The following GPC6 variants were observed in gnomAD, a reference collection of about 807,000 sequenced individuals.
GPC6 encodes the protein glypican 6, also known as glypican-6.
Under a neutral mutation model 55.2 loss-of-function variants are expected in GPC6, and 14 were observed. The ratio of observed to expected loss-of-function variants is 0.25; its 90% CI spans 0.17 to 0.40. GPC6 has a LOEUF of 0.40. Among genes scored for constraint, GPC6 ranks in the 10% least tolerant of loss-of-function variants. The pLI is 1.00. For missense variants in GPC6, 641 were observed against 708.5 expected (o/e 0.90, Z 1.08); for synonymous variants, 278 against 259.6 (o/e 1.07, Z -0.68).
chr13:93,825,727 G>A (rs1484190716), intron 2 of GPC6, among the ~76,000 whole-genome samples: 1 of 152,166 alleles, frequency 6.6e-6, no homozygotes, highest in Non-Finnish European at 1.5e-5. Flanking sequence ...TGTGTGGAAT[G>A]AGAAAGACTA....
Position 93,227,761 on chromosome 13 carries a change from G to T in GPC6, c.160+145G>T. 1.5e-6 allele frequency: 1 copy of T among 660,808 alleles called. No homozygotes were observed. The highest frequency in any genetic ancestry group is 2.5e-6 in the Non-Finnish European group (1 of 392,872). The allele number at this position is 660,808 out of a possible 1,614,324, so 40.9% of individuals were successfully genotyped here. On this transcript the variant is annotated intron_variant, in intron 1 of 8. Transcript: ENST00000377047. This position sits in a 1 kb window ranked among gnomAD's most constrained non-coding sequence, Gnocchi z 4.3. ...CTATGGGACTCCGCGTCTCCGTGTT[G>T]GGCGGCGGATGCTCCTGCGGCTTCT...
chr13:94,026,671 CGA>C (rs1882910866), intron 3 of GPC6, among the ~76,000 whole-genome samples: 1 of 151,906 alleles, frequency 6.6e-6, no homozygotes, highest in Admixed American at 6.6e-5. Context: ...AAGCACTGCC[CGA>C]GAGTATAATT....
chr13:93,411,794 A>G lies in GPC6; in HGVS notation c.161-133469A>G, dbSNP rs952592076. Reference sequence around the variant, plus strand: ...GGTGGGTCTATCACCTGAGGTCAGGAGTTAGAGACCAGCCTACCCAACCTG... The same window carrying G: ...GGTGGGTCTATCACCTGAGGTCAGGGGTTAGAGACCAGCCTACCCAACCTG... On this transcript the variant is annotated intron_variant, in intron 1 of 8. Transcript: ENST00000377047. Among the ~76,000 whole-genome samples the G allele has an allele frequency of 2.6e-5, 4 of 151,898 alleles. No homozygotes were observed. The South Asian group carries it at 6.2e-4, about 24-fold the overall frequency.
At chr13:94,027,600 T>C in intron 3 of GPC6, 129 bp from the exon 4 acceptor site, 2 of 801,852 alleles carry the variant, frequency 2.5e-6, no homozygotes, top group Middle Eastern at 2.8e-4. Flanking sequence ...AGGAATTGGA[T>C]GGATTCAAGA....
intron 6 of GPC6, among the ~76,000 whole-genome samples, chr13:94,310,282 A>T (rs56316434): frequency 0.29 from 43,703 of 151,356 alleles, 7,780 homozygotes; most frequent in Non-Finnish European, 0.39. Flanking sequence ...AAGTAAATTT[A>T]AAAAAAAAGC....
chr13:93,302,057 A>G (rs111685761), intron 1 of GPC6, among the ~76,000 whole-genome samples: 17 of 152,340 alleles, frequency 1.1e-4, no homozygotes, highest in African/African-American at 3.8e-4. Flanking sequence ...CAATTGGGTC[A>G]CTGTATATTT....
intron 2 of GPC6, among the ~76,000 whole-genome samples, chr13:93,769,414 G>A (rs4322535): frequency 0.96 from 144,475 of 150,140 alleles, 69,543 homozygotes; most frequent in African/African-American, 0.99. Context: ...CACAAGCTGT[G>A]AGTGGCTGCT....
intron 6 of GPC6, among the ~76,000 whole-genome samples, chr13:94,361,161 A>G (rs1327046913): frequency 1.3e-5 from 2 of 152,206 alleles, no homozygotes; most frequent in East Asian, 1.9e-4. Context: ...TGAGTGTCCA[A>G]TAGGTATGGT....
chr13:93,817,986 A>G (rs1204846030), intron 2 of GPC6, among the ~76,000 whole-genome samples: 2 of 147,812 alleles, frequency 1.4e-5, no homozygotes, highest in Non-Finnish European at 3.0e-5. Context: ...ATATAAGTAT[A>G]TATAAAATAA....
At chr13:94,066,999 T>G (rs981310019) in intron 4 of GPC6, among the ~76,000 whole-genome samples, 19 of 152,206 alleles carry the variant, frequency 1.2e-4, no homozygotes, top group African/African-American at 4.3e-4. Context: ...ACCAAAACAT[T>G]ACATTTTTTA....
intron 3 of GPC6, among the ~76,000 whole-genome samples, chr13:94,018,294 T>C (rs927667262): frequency 2.0e-5 from 3 of 148,924 alleles, no homozygotes; most frequent in Admixed American, 1.3e-4. Flanking sequence ...GTATAATCCT[T>C]TTTTTTTTTT....
At chr13:94,012,091 C>CA (rs1882269388) in intron 3 of GPC6, among the ~76,000 whole-genome samples, 1 of 152,014 alleles carries the variant, frequency 6.6e-6, no homozygotes, top group Non-Finnish European at 1.5e-5. Context: ...GTAGAGACAC[C>CA]ACTGGCATCT....
At chr13:93,928,733 G>T (rs202079725) in intron 3 of GPC6, among the ~76,000 whole-genome samples, 8 of 121,120 alleles carry the variant, frequency 6.6e-5, no homozygotes, top group Non-Finnish European at 1.5e-4. Context: ...TTCTGTACTA[G>T]TATGACGAGG....
At chr13:93,640,313 A>C (rs558036672) in intron 2 of GPC6, among the ~76,000 whole-genome samples, 3 of 152,268 alleles carry the variant, frequency 2.0e-5, no homozygotes, top group East Asian at 1.9e-4. Context: ...AAAAATAATT[A>C]TCAAGTATTG....
At chr13:93,354,803 G>C (rs1354901100) in intron 1 of GPC6, among the ~76,000 whole-genome samples, 1 of 152,098 alleles carries the variant, frequency 6.6e-6, no homozygotes, top group Non-Finnish European at 1.5e-5. Context: ...GCTGTGCGTG[G>C]ACAGAGAATC....
chr13:94,350,128 T>C (rs1208531898), intron 6 of GPC6, among the ~76,000 whole-genome samples: 1 of 150,706 alleles, frequency 6.6e-6, no homozygotes, highest in Admixed American at 6.6e-5. Context: ...CTTTCATCTT[T>C]GGTATCTTTG....
At chr13:93,882,434 C>T (rs1313382971) in intron 3 of GPC6, among the ~76,000 whole-genome samples, 2 of 152,018 alleles carry the variant, frequency 1.3e-5, no homozygotes, top group African/African-American at 2.4e-5. Context: ...AGTGAGCCAC[C>T]GTGCCTGGGC....
At chr13:94,088,900 G>A (rs74111436) in intron 4 of GPC6, among the ~76,000 whole-genome samples, 4 of 152,016 alleles carry the variant, frequency 2.6e-5, no homozygotes, top group Non-Finnish European at 5.9e-5. Context: ...ACTGCCTGGG[G>A]GTCACTGATA....
At chr13:93,954,795 A>G (rs1396129246) in intron 3 of GPC6, among the ~76,000 whole-genome samples, 1 of 152,138 alleles carries the variant, frequency 6.6e-6, no homozygotes, top group African/African-American at 2.4e-5. Context: ...TAAGATGTAG[A>G]CTGATATGAA....
Sources: gnomAD v4.1 joint callset for allele counts (sites outside exome capture counted in the v4.1 genomes callset) on GRCh38, gnomAD v4.1.1 for gene constraint, Gnocchi (gnomAD v3.1) non-coding constraint, MANE v1.5 for transcripts, NCBI Gene and HGNC (gene_info 2026-07-23, HGNC 2026-07-21) for gene names.